The following TMEM168 variants were observed in gnomAD, a reference collection of about 807,000 sequenced individuals.
TMEM168 encodes transmembrane protein 168.
TMEM168 carries 40 observed loss-of-function variants against 53.2 expected under a neutral mutation model. The ratio of observed to expected loss-of-function variants is 0.75; its 90% CI spans 0.58 to 0.98. The LOEUF (loss-of-function observed/expected upper bound fraction) is 0.98, where lower values mean the gene tolerates loss of function less well. Ranked by LOEUF, TMEM168 falls within the 50% of genes least tolerant of loss-of-function variation. The pLI, the probability that TMEM168 is intolerant of heterozygous loss-of-function variation, is 0.00. For missense variants in TMEM168, 771 were observed against 828.8 expected, an observed-to-expected ratio of 0.93 and a Z score of 0.86; for synonymous variants, 282 against 293.0, an observed-to-expected ratio of 0.96 and a Z score of 0.38.
chr7:112,774,716 G>A (rs886068620), intron 3 of TMEM168, among the ~76,000 whole-genome samples: 2 of 151,948 alleles, frequency 1.3e-5, no homozygotes, highest in African/African-American at 4.8e-5. Context: ...GAGTAGCTGG[G>A]ATTGCAGGTA....
At chr7:112,780,958 A>AAC (rs1793213918) in intron 2 of TMEM168, among the ~76,000 whole-genome samples, 3 of 151,522 alleles carry the variant, frequency 2.0e-5, no homozygotes, top group African/African-American at 4.9e-5. Context: ...AAAAAAAAAA[A>AAC]AAAAAAACGG....
intron 2 of TMEM168, among the ~76,000 whole-genome samples, chr7:112,780,374 C>T: frequency 6.6e-6 from 1 of 152,326 alleles, no homozygotes; most frequent in Non-Finnish European, 1.5e-5. Flanking sequence ...TTAACACAAA[C>T]CCTTGTCTAC....
chr7:112,779,513 T>C (rs1793175445), intron 2 of TMEM168, among the ~76,000 whole-genome samples: 1 of 152,178 alleles, frequency 6.6e-6, no homozygotes, highest in Non-Finnish European at 1.5e-5. Flanking sequence ...TACACCTTAA[T>C]TCCAAGTAAC....
At chr7:112,770,029 G>GA (rs1333521407) in intron 4 of TMEM168, among the ~76,000 whole-genome samples, 13 of 152,062 alleles carry the variant, frequency 8.5e-5, no homozygotes, top group African/African-American at 3.1e-4. Context: ...AAAGTTTGCT[G>GA]AAAAAACAAC....
At position 112,784,012 on chromosome 7, in the gene TMEM168, T is replaced by C. The variant is rs1793302006; in HGVS notation, c.814A>G (p.Met272Val). The C allele has an allele frequency of 6.2e-7, 1 of 1,613,548 alleles. No individual in the cohort carries two copies. The highest frequency in any genetic ancestry group is 2.2e-5 in the East Asian group (1 of 44,854). ...AGAATAAAAAATGTAAGCTCAATCA[T>C]TCCAGCAAAAACGACTGAAAGTCTT... Reference protein sequence around the residue: ...CRRLSVVFAGMIELTFFILSA... With the variant: ...CRRLSVVFAGVIELTFFILSA... The change falls in exon 2 of 5, where the codon ATG becomes GTG. Residue 272 changes from methionine (M) to valine (V), a missense_variant. Transcript: ENST00000312814.
At chr7:112,786,954 A>T (rs1338315846) in intron 1 of TMEM168, among the ~76,000 whole-genome samples, 1 of 152,166 alleles carries the variant, frequency 6.6e-6, no homozygotes, top group African/African-American at 2.4e-5. Flanking sequence ...ACCTCTACTT[A>T]TATCTCCGAA....
chr7:112,769,580 CTTTCTAAACAA>C (rs1792878177), intron 4 of TMEM168, among the ~76,000 whole-genome samples: 1 of 152,060 alleles, frequency 6.6e-6, no homozygotes, highest in Admixed American at 6.6e-5. Context: ...AGCATTAAAG[CTTTCTAAACAA>C]TTTCTCTTGT....
chr7:112,783,813 T>C lies in TMEM168; in HGVS notation c.1013A>G (p.Asn338Ser), dbSNP rs1407758998. The change falls in exon 2 of 5, where the codon AAT becomes AGT. Residue 338 changes from asparagine to serine, a missense_variant. Asn to Ser is a conservative substitution (Grantham distance 46). Coordinates refer to ENST00000312814, the MANE Select transcript of TMEM168 (RefSeq NM_022484.6). ...GGATGCCATGATTCTATCAAGGCTA[T>C]TGTAATCTGTCCTGTGAGTAAAATA... is the stretch of plus-strand genomic sequence containing the variant. ...KVYFTHRTDY[N>S]SLDRIMASKG... The C allele has an allele frequency of 3.1e-6, 5 of 1,607,032 alleles. No homozygotes were observed. In the African/African-American group the frequency reaches 5.4e-5, roughly 17 times the overall value.
intron 3 of TMEM168, among the ~76,000 whole-genome samples, chr7:112,773,574 G>C (rs114207843): frequency 6.6e-6 from 1 of 151,782 alleles, no homozygotes; most frequent in Non-Finnish European, 1.5e-5. Context: ...TCTATTAATA[G>C]GCATTTAAAA....
At position 112,764,133 on chromosome 7, in the gene TMEM168, TAAA is replaced by T. The variant is rs1308289041; in HGVS notation, c.*3061_*3063del. 1 of 107,778 alleles carries T rather than the reference TAAA, an allele frequency of 9.3e-6. No homozygotes were observed. Among genetic ancestry groups the T allele is most frequent in the African/African-American group, 3.2e-5 (1 of 30,778 alleles). 6.7% of individuals were successfully genotyped at this position (107,778 alleles called of 1,614,324 possible). A position where few individuals can be genotyped will look rare whatever the true frequency, so the allele number is the denominator to read the frequency against. ...CCTAAAACTTAAAGTATAATAATAA[TAAA>T]ATTAAAATAAATAAATAATGGTTAA... On this transcript the variant is annotated 3_prime_UTR_variant, in exon 5 of 5. Transcript: ENST00000312814.
chr7:112,790,086 T>A (rs915170117), intron 1 of TMEM168, 74 bp downstream of exon 1: 2 of 152,110 alleles, frequency 1.3e-5, no homozygotes, highest in African/African-American at 4.8e-5. Context: ...GAGCTTGGGG[T>A]CCGGACCACG....
At chr7:112,773,961 C>T (rs1186189043) in intron 3 of TMEM168, among the ~76,000 whole-genome samples, 1 of 152,174 alleles carries the variant, frequency 6.6e-6, no homozygotes, top group Non-Finnish European at 1.5e-5. Context: ...CTTTATGTGA[C>T]ATTTCCAAAT....
intron 4 of TMEM168, among the ~76,000 whole-genome samples, chr7:112,768,407 T>C (rs1792843457): frequency 6.6e-6 from 1 of 152,142 alleles, no homozygotes; most frequent in South Asian, 2.1e-4. Flanking sequence ...TTCTGTATCA[T>C]TGTTTCCTTC....
intron 2 of TMEM168, among the ~76,000 whole-genome samples, chr7:112,782,170 C>T (rs1338997086): frequency 6.6e-6 from 1 of 152,176 alleles, no homozygotes; most frequent in Non-Finnish European, 1.5e-5. Flanking sequence ...ACAATGCTAT[C>T]ACCTACAGCT....
chr7:112,785,876 C>T (rs865980168), intron 1 of TMEM168, among the ~76,000 whole-genome samples: 4 of 152,196 alleles, frequency 2.6e-5, no homozygotes, highest in East Asian at 1.9e-4. Flanking sequence ...CAATGGTTCA[C>T]GGTAATGCTA....
intron 1 of TMEM168, among the ~76,000 whole-genome samples, chr7:112,786,825 A>G (rs1266600308): frequency 6.6e-6 from 1 of 151,938 alleles, no homozygotes; most frequent in East Asian, 1.9e-4. Flanking sequence ...TCAAACCCCT[A>G]TTTCCTCTCT....
Position 112,772,827 on chromosome 7 carries a change from C to A in TMEM168, c.1500G>T (p.Leu500Phe). 6.2e-7 allele frequency: 1 copy of A among 1,614,004 alleles called. No homozygotes were observed. The highest frequency in any genetic ancestry group is 8.5e-7 in the Non-Finnish European group (1 of 1,179,932). Residue 500 changes from leucine to phenylalanine, a missense_variant, in exon 4 of 5, where the codon TTG (leucine) becomes TTT (phenylalanine). Coordinates refer to ENST00000312814, the MANE Select transcript of TMEM168 (RefSeq NM_022484.6). ...TACCATGGGTGTGCCCACTGTAATA[C>A]AAAATATACGTATCATGTCTGGGTC... ...VDGPRHDTYI[L>F]YYSGHTHGTG...
chr7:112,772,735 T>A, intron 4 of TMEM168, 46 bp downstream of exon 4: 1 of 1,579,074 alleles, frequency 6.3e-7, no homozygotes, highest in African/African-American at 1.4e-5. Flanking sequence ...TTTCTACATA[T>A]ACATGTGTAT....
Position 112,784,656 on chromosome 7 carries a change from T to G in TMEM168, c.170A>C (p.Glu57Ala). The change falls in exon 2 of 5, where the codon GAA becomes GCA. Residue 57 changes from glutamate (E) to alanine (A), a missense_variant. Transcript: ENST00000312814. ...CAAAATTAAGGAATTTGCTGTTTTT[T>G]CCCATCTTACGTATAGACCTAAGCA... ...AICLGLYVRW[E>A]KTANSLILVI... 1 of 1,612,252 alleles carries G rather than the reference T, an allele frequency of 6.2e-7. No homozygotes were observed. Among genetic ancestry groups the G allele is most frequent in the South Asian group, 1.1e-5 (1 of 90,284 alleles).
Sources: gnomAD v4.1 joint callset for allele counts (sites outside exome capture counted in the v4.1 genomes callset) on GRCh38, gnomAD v4.1.1 for gene constraint, MANE v1.5 for transcripts, NCBI Gene and HGNC (gene_info 2026-07-23, HGNC 2026-07-21) for gene names.